LMNTD1: variants seen among roughly 807,000 people sequenced by gnomAD.
LMNTD1 encodes the protein lamin tail domain-containing protein 1.
A neutral mutation model predicts 50.9 loss-of-function variants in LMNTD1; 35 were observed. The observed-to-expected ratio is 0.69, with a 90% CI of 0.53 to 0.91. The LOEUF (loss-of-function observed/expected upper bound fraction) is 0.91. Among genes scored for constraint, LMNTD1 ranks in the 40% least tolerant of loss-of-function variants. LMNTD1 has a pLI of 0.00. For synonymous variants in LMNTD1, 153 were observed against 161.9 expected, an observed-to-expected ratio of 0.94 and a Z score of 0.42; for missense variants, 470 against 475.5, an observed-to-expected ratio of 0.99 and a Z score of 0.11.
chr12:25,622,463 G>GGGGGCC, intron 1 of LMNTD1, among the ~76,000 whole-genome samples: 1 of 111,218 alleles, frequency 9.0e-6, no homozygotes, highest in Non-Finnish European at 2.0e-5. Flanking sequence ...GAGTTTGTGA[G>GGGGGCC]CCCGCCCCCC....
intron 1 of LMNTD1, among the ~76,000 whole-genome samples, chr12:25,573,869 G>A (rs1944895046): frequency 6.6e-6 from 1 of 151,998 alleles, no homozygotes; most frequent in Non-Finnish European, 1.5e-5. Flanking sequence ...AGCATCGTGG[G>A]ACCTGCCTAA....
In LMNTD1 at chr12:25,547,262, C is replaced by T. The variant is rs149507051; in HGVS notation, c.311-708G>A. ...CGTCGTGATGAAGTGGAAAGAACAA[C>T]GTGTCTTGCATTTAGACAGACTTGT... is the stretch of plus-strand genomic sequence containing the variant. On this transcript the variant is annotated intron_variant, in intron 3 of 9. Transcript: ENST00000458174. 131 of 677,338 alleles carry T rather than the reference C, an allele frequency of 1.9e-4. No homozygotes were observed. The African/African-American group carries it at 2.3e-3, about 12-fold the overall frequency. 42.0% of individuals were successfully genotyped at this position (677,338 alleles called of 1,614,324 possible).
At chr12:25,632,132 C>A (rs914717252) in intron 1 of LMNTD1, among the ~76,000 whole-genome samples, 2 of 152,108 alleles carry the variant, frequency 1.3e-5, no homozygotes, top group African/African-American at 4.8e-5. Context: ...ATGAACAAAG[C>A]CTCCAAGAAG....
intron 9 of LMNTD1, among the ~76,000 whole-genome samples, chr12:25,479,938 C>T (rs1395061045): frequency 6.6e-6 from 1 of 152,196 alleles, no homozygotes; most frequent in Non-Finnish European, 1.5e-5. Context: ...AGTGGAAGTC[C>T]ATGTTGCTGA....
chr12:25,545,464 C>A (rs1943376460), intron 4 of LMNTD1, among the ~76,000 whole-genome samples: 1 of 151,640 alleles, frequency 6.6e-6, no homozygotes, highest in African/African-American at 2.4e-5. Flanking sequence ...TGAGATACTG[C>A]TGATGATAAT....
chr12:25,619,958 C>T (rs1398097471), intron 1 of LMNTD1, among the ~76,000 whole-genome samples: 1 of 152,204 alleles, frequency 6.6e-6, no homozygotes, highest in Admixed American at 6.5e-5. Context: ...CCCAGCCCTT[C>T]AAGGGAATCC....
intron 1 of LMNTD1, chr12:25,648,476 C>T: frequency 1.9e-6 from 3 of 1,548,210 alleles, no homozygotes; most frequent in Non-Finnish European, 2.6e-6. Flanking sequence ...GAAAATCCAG[C>T]ATTCATTTCT....
At chr12:25,552,073 T>C (rs1591994822) in intron 2 of LMNTD1, among the ~76,000 whole-genome samples, 1 of 152,294 alleles carries the variant, frequency 6.6e-6, no homozygotes, top group Non-Finnish European at 1.5e-5. Flanking sequence ...ATAGGACTTG[T>C]AGGTCCAAAG....
chr12:25,606,433 G>A (rs1276530746), intron 1 of LMNTD1, among the ~76,000 whole-genome samples: 3 of 152,186 alleles, frequency 2.0e-5, no homozygotes, highest in Non-Finnish European at 4.4e-5. Flanking sequence ...AATGCTTCCA[G>A]TTTTTGTCCA....
At chr12:25,569,806 AG>A (rs1392487044) in intron 1 of LMNTD1, among the ~76,000 whole-genome samples, 2 of 152,154 alleles carry the variant, frequency 1.3e-5, no homozygotes, top group Non-Finnish European at 2.9e-5. Context: ...CATGATTGTA[AG>A]TTCCCTGAGG....
chr12:25,534,566 A>G (rs768877154), intron 4 of LMNTD1, among the ~76,000 whole-genome samples: 2 of 152,310 alleles, frequency 1.3e-5, no homozygotes, highest in Non-Finnish European at 2.9e-5. Flanking sequence ...GGGAAGCTGC[A>G]AAAAGAGCGC....
chr12:25,613,288 C>T (rs1307416572), intron 1 of LMNTD1, among the ~76,000 whole-genome samples: 1 of 152,158 alleles, frequency 6.6e-6, no homozygotes, highest in Non-Finnish European at 1.5e-5. Flanking sequence ...ACTCTTATTG[C>T]TGGTTCTGAC....
chr12:25,479,613 T>G lies in LMNTD1; in HGVS notation c.*23-3153A>C, dbSNP rs567850574. On this transcript the variant is annotated intron_variant, in intron 9 of 9. Transcript: ENST00000458174. Reference sequence around the variant, plus strand: ...CTGCCGCACTTCTTTAGCCGTAAAGTGAGTGCCTTGGTCAGAGGCAATGCT... The same window carrying G: ...CTGCCGCACTTCTTTAGCCGTAAAGGGAGTGCCTTGGTCAGAGGCAATGCT... Among the ~76,000 whole-genome samples, 3 of 152,268 alleles carry G rather than the reference T, an allele frequency of 2.0e-5. No homozygotes were observed. In the East Asian group the frequency reaches 5.8e-4, roughly 29 times the overall value.
chr12:25,505,698 A>C (rs1939715621), intron 8 of LMNTD1, among the ~76,000 whole-genome samples: 1 of 152,146 alleles, frequency 6.6e-6, no homozygotes, highest in African/African-American at 2.4e-5. Context: ...GTATTTTGCA[A>C]TGTTCCTTCA....
At chr12:25,512,274 T>A (rs1308296115) in intron 8 of LMNTD1, among the ~76,000 whole-genome samples, 4 of 152,176 alleles carry the variant, frequency 2.6e-5, no homozygotes, top group African/African-American at 9.7e-5. Flanking sequence ...GAATTTGAAG[T>A]TAGATTTGCA....
At chr12:25,593,369 T>C (rs1187704046) in intron 1 of LMNTD1, among the ~76,000 whole-genome samples, 1 of 152,132 alleles carries the variant, frequency 6.6e-6, no homozygotes, top group African/African-American at 2.4e-5. Context: ...GATCCACAGA[T>C]GGTTTACATC....
rs766664572 is a variant in LMNTD1 at position 25,526,913 on chromosome 12, A to G, written c.534T>C (p.Gly178=). The G allele has an allele frequency of 6.2e-7, 1 of 1,611,372 alleles. No homozygotes were observed. The highest frequency in any genetic ancestry group is 8.5e-7 in the Non-Finnish European group (1 of 1,178,812). Residue 178 remains glycine, a synonymous_variant, in exon 5 of 10, where the codon GGT becomes GGC. Transcript: ENST00000458174. ...DVEIAEVNVK[G]LFVKLINSSL... ...AAGAGTTAATGAGCTTCACGAACAA[A>G]CCCTTGACATTCACTTCAGCTATTT...
chr12:25,578,654 T>C (rs1945139795), intron 1 of LMNTD1, among the ~76,000 whole-genome samples: 1 of 152,180 alleles, frequency 6.6e-6, no homozygotes, highest in Non-Finnish European at 1.5e-5. Flanking sequence ...ATTCCCACAG[T>C]TGCCATTTGC....
intron 1 of LMNTD1, among the ~76,000 whole-genome samples, chr12:25,603,663 G>A (rs1345736241): frequency 1.3e-5 from 2 of 152,112 alleles, no homozygotes; most frequent in South Asian, 2.1e-4. Flanking sequence ...ATACAGAGAC[G>A]ATTCCTGTCC....
Sources: allele counts gnomAD v4.1 joint callset (sites outside exome capture counted in the v4.1 genomes callset), GRCh38; gene constraint gnomAD v4.1.1; transcripts MANE v1.5; gene names NCBI Gene and HGNC (gene_info 2026-07-23, HGNC 2026-07-21).